The following SORCS2 variants were observed in gnomAD, a reference collection of about 807,000 sequenced individuals.
The protein encoded by SORCS2 is VPS10 domain-containing receptor SorCS2.
SORCS2 carries 100 observed loss-of-function variants against 141.6 expected under a neutral mutation model. The observed-to-expected ratio is 0.71, with a 90% confidence interval of 0.60 to 0.83. The LOEUF is 0.83. Among genes scored for constraint, SORCS2 ranks in the 40% least tolerant of loss-of-function variants. The pLI is 0.00. For synonymous variants in SORCS2, 789 were observed against 676.9 expected (o/e 1.17, Z -2.57); for missense variants, 1,646 against 1,560.2 (o/e 1.05, Z -0.93).
intron 2 of SORCS2, among the ~76,000 whole-genome samples, chr4:7,415,249 G>T (rs1382155969): frequency 6.6e-6 from 1 of 152,166 alleles, no homozygotes; most frequent in East Asian, 1.9e-4. Flanking sequence ...CAGCTCTGGA[G>T]GCCACAAGTT....
intron 1 of SORCS2, among the ~76,000 whole-genome samples, chr4:7,338,575 G>C (rs1389248577): frequency 6.6e-6 from 1 of 152,144 alleles, no homozygotes; most frequent in African/African-American, 2.4e-5. Flanking sequence ...GCCAGGGTGG[G>C]GCTGGCTAAG....
At chr4:7,707,161 T>A (rs4689153) in intron 14 of SORCS2, among the ~76,000 whole-genome samples, 89,205 of 151,576 alleles carry the variant, frequency 0.59, 26,367 homozygotes, top group Admixed American at 0.69. Context: ...GCTCTTCTGC[T>A]CTGCCATCAT....
At chr4:7,301,201 TTTCC>T (rs2108899315) in intron 1 of SORCS2, among the ~76,000 whole-genome samples, 1 of 152,134 alleles carries the variant, frequency 6.6e-6, no homozygotes, top group Admixed American at 6.5e-5. Context: ...CCTCCACTCA[TTTCC>T]TTCCTTCATT....
chr4:7,371,024 TC>T (rs1722214094), intron 1 of SORCS2, among the ~76,000 whole-genome samples: 1 of 152,110 alleles, frequency 6.6e-6, no homozygotes, highest in Non-Finnish European at 1.5e-5. Flanking sequence ...CTTGCCTTTC[TC>T]CCCGGCTCTC....
intron 3 of SORCS2, among the ~76,000 whole-genome samples, chr4:7,592,398 G>C (rs1222380824): frequency 6.6e-6 from 1 of 152,140 alleles, no homozygotes; most frequent in South Asian, 2.1e-4. Context: ...TTCAAGAAAC[G>C]GGAGAAAGTC....
At chr4:7,459,053 C>T (rs1412745073) in intron 2 of SORCS2, among the ~76,000 whole-genome samples, 4 of 151,962 alleles carry the variant, frequency 2.6e-5, no homozygotes, top group South Asian at 2.1e-4. Context: ...GCAAAGGCCA[C>T]GTCCTCCCCG....
chr4:7,438,274 A>G (rs538227465), intron 2 of SORCS2, among the ~76,000 whole-genome samples: 17 of 152,156 alleles, frequency 1.1e-4, no homozygotes, highest in Non-Finnish European at 2.4e-4. Flanking sequence ...GTTATTTTGT[A>G]GAATGTCCCT....
intron 5 of SORCS2, among the ~76,000 whole-genome samples, chr4:7,655,249 A>G (rs1173674835): frequency 6.7e-6 from 1 of 148,884 alleles, no homozygotes; most frequent in Non-Finnish European, 1.5e-5. Context: ...TCTCTTTCTT[A>G]TCCCACGTGT....
chr4:7,700,614 T>C (rs1264375717), intron 12 of SORCS2, among the ~76,000 whole-genome samples: 3 of 152,218 alleles, frequency 2.0e-5, no homozygotes, highest in Non-Finnish European at 4.4e-5. Flanking sequence ...TTTCTATGAA[T>C]GTAGCCATAG....
intron 2 of SORCS2, 72 bp from the exon 3 acceptor site, chr4:7,531,458 G>C: frequency 7.0e-7 from 1 of 1,434,416 alleles, no homozygotes; most frequent in Non-Finnish European, 9.7e-7. Flanking sequence ...GGCAGGGGCT[G>C]GACACCGTGT....
chr4:7,621,836 G>A (rs1357045761), intron 3 of SORCS2, among the ~76,000 whole-genome samples: 1 of 152,190 alleles, frequency 6.6e-6, no homozygotes, highest in Non-Finnish European at 1.5e-5. Context: ...TCTGAAAAGC[G>A]GGGCTGGCAG....
At chr4:7,567,853 A>T (rs1383682812) in intron 3 of SORCS2, among the ~76,000 whole-genome samples, 1 of 151,988 alleles carries the variant, frequency 6.6e-6, no homozygotes, top group Non-Finnish European at 1.5e-5. Context: ...ATGAATATTT[A>T]TTTTCTCCTT....
chr4:7,293,220 C>T (rs1036884688), intron 1 of SORCS2, among the ~76,000 whole-genome samples: 1 of 151,684 alleles, frequency 6.6e-6, no homozygotes, highest in Admixed American at 6.6e-5. Flanking sequence ...AGGAGAATGG[C>T]GTGAACCCAG....
chr4:7,293,775 C>A (rs1419279873), intron 1 of SORCS2, among the ~76,000 whole-genome samples: 1 of 152,182 alleles, frequency 6.6e-6, no homozygotes, highest in East Asian at 1.9e-4. Flanking sequence ...CCTGGGGGAG[C>A]CTAGAGGCTT....
chr4:7,418,088 TTCC>T (rs1267725361), intron 2 of SORCS2, among the ~76,000 whole-genome samples: 1 of 152,146 alleles, frequency 6.6e-6, no homozygotes, highest in African/African-American at 2.4e-5. Flanking sequence ...CTGTCACTTC[TTCC>T]TCCTCCTCCT....
intron 1 of SORCS2, among the ~76,000 whole-genome samples, chr4:7,273,959 G>A (rs1412177581): frequency 1.3e-5 from 2 of 152,192 alleles, no homozygotes; most frequent in South Asian, 2.1e-4. Context: ...TGTGGCCTCC[G>A]CACATCCCTC....
chr4:7,427,305 C>T (rs1000423327), intron 2 of SORCS2, among the ~76,000 whole-genome samples: 6 of 152,124 alleles, frequency 3.9e-5, no homozygotes, highest in Admixed American at 1.3e-4. Flanking sequence ...TCCCTTGCTT[C>T]GGAGCCAGAC....
At position 7,729,703 on chromosome 4, in the gene SORCS2, G is replaced by A. The variant is rs1447080430; in HGVS notation, c.3099G>A (p.Ser1033=). Reference sequence around the variant, plus strand: ...GGCCCACAAGGAAGAGGAGCCTCTCGAGTGATAAGGTATGTCCTGTGGCCG... The same window carrying A: ...GGCCCACAAGGAAGAGGAGCCTCTCAAGTGATAAGGTATGTCCTGTGGCCG... ...PPRPTRKRSL[S]SDKRLAAIQQ... is the part of the protein sequence containing the mutation. The change falls in exon 23 of 27, where the codon TCG becomes TCA. Residue 1033 remains serine (S), a synonymous_variant. Transcript: ENST00000507866. The A allele has an allele frequency of 2.5e-6, 4 of 1,610,916 alleles. No individual in the cohort carries two copies. The highest frequency in any genetic ancestry group is 2.2e-5 in the East Asian group (1 of 44,764).
At position 7,233,426 on chromosome 4, in the gene SORCS2, G is replaced by T. The variant is rs1039389434; in HGVS notation, c.480+40300G>T. 1.7e-4 allele frequency among the ~76,000 whole-genome samples: 26 copies of T among 152,192 alleles called. No individual in the cohort carries two copies. The highest frequency in any genetic ancestry group is 1.3e-3 in the Admixed American group (20 of 15,282). ...TCCACAGCCTCCACAGCAGCCCGCA[G>T]GTTGCCATCCTGTTTCCATCCAGGG... On this transcript the variant is annotated intron_variant, in intron 1 of 26. Coordinates refer to ENST00000507866, the MANE Select transcript of SORCS2 (RefSeq NM_020777.3). This position sits in a 1 kb window ranked among gnomAD's most constrained non-coding sequence, Gnocchi z 4.5.
Sources: gnomAD v4.1 joint callset for allele counts (sites outside exome capture counted in the v4.1 genomes callset) on GRCh38, gnomAD v4.1.1 for gene constraint, Gnocchi (gnomAD v3.1) non-coding constraint, MANE v1.5 for transcripts, NCBI Gene and HGNC (gene_info 2026-07-23, HGNC 2026-07-21) for gene names.